Variants in SLC39A11 observed in about 807,000 individuals in gnomAD.
SLC39A11 encodes solute carrier family 39 member 11, also known as zinc transporter ZIP11.
Under a neutral mutation model 36.1 loss-of-function variants are expected in SLC39A11, and 33 were observed. The observed-to-expected ratio is 0.91, with a 90% CI of 0.69 to 1.22. The LOEUF (loss-of-function observed/expected upper bound fraction) is 1.22. Among genes scored for constraint, SLC39A11 ranks in the 50% most tolerant of loss-of-function variants. The pLI is 0.00. For synonymous variants in SLC39A11, 166 were observed against 170.3 expected, an observed-to-expected ratio of 0.97 and a Z score of 0.20; for missense variants, 432 against 430.3, an observed-to-expected ratio of 1.00 and a Z score of -0.03.
chr17:72,804,964 C>T (rs2077204202), intron 6 of SLC39A11, among the ~76,000 whole-genome samples: 1 of 151,968 alleles, frequency 6.6e-6, no homozygotes, highest in African/African-American at 2.4e-5. Flanking sequence ...TGCAGTGAGC[C>T]GAGATCATGC....
At chr17:72,959,383 C>T (rs1292484493) in intron 4 of SLC39A11, among the ~76,000 whole-genome samples, 1 of 140,016 alleles carries the variant, frequency 7.1e-6, no homozygotes, top group African/African-American at 2.7e-5. Flanking sequence ...ATACTACACT[C>T]AGCCATAAGA....
chr17:72,774,868 T>A (rs920710696), intron 6 of SLC39A11, among the ~76,000 whole-genome samples: 1 of 152,172 alleles, frequency 6.6e-6, no homozygotes. Flanking sequence ...TCCCCTTTAG[T>A]CTAGGATGAC....
chr17:72,657,684 G>A (rs1212191177), intron 7 of SLC39A11, among the ~76,000 whole-genome samples: 1 of 152,198 alleles, frequency 6.6e-6, no homozygotes, highest in Non-Finnish European at 1.5e-5. Flanking sequence ...CCAGATAACT[G>A]ATGTGAGTTG....
At chr17:73,004,471 G>C (rs964724564) in intron 4 of SLC39A11, among the ~76,000 whole-genome samples, 1 of 152,110 alleles carries the variant, frequency 6.6e-6, no homozygotes, top group Non-Finnish European at 1.5e-5. Flanking sequence ...TCCCATATGA[G>C]GGCCCCATCC....
Position 72,947,937 on chromosome 17 carries a change from C to G in SLC39A11, c.307-62G>C, listed in dbSNP as rs1309441210. 2.5e-6 allele frequency: 4 copies of G among 1,592,818 alleles called. No homozygotes were observed. In the African/African-American group the frequency reaches 4.0e-5, roughly 16 times the overall value. ...TACTGTGTTAATTCCCCAGATGCTT[C>G]TGGCTCACGGGCGCCAAGGCAACTT... On this transcript the variant is annotated intron_variant, in intron 4 of 9. Coordinates refer to ENST00000255559, the MANE Select transcript of SLC39A11 (RefSeq NM_139177.4).
chr17:72,751,600 CAG>C (rs1453543325), intron 6 of SLC39A11, among the ~76,000 whole-genome samples: 1 of 151,802 alleles, frequency 6.6e-6, no homozygotes, highest in Non-Finnish European at 1.5e-5. Context: ...TTTTTTGAGA[CAG>C]AGTCTTGCTC....
At chr17:72,825,597 G>C (rs1220998630) in intron 6 of SLC39A11, among the ~76,000 whole-genome samples, 1 of 152,148 alleles carries the variant, frequency 6.6e-6, no homozygotes, top group East Asian at 1.9e-4. Flanking sequence ...CATGTGCCTG[G>C]AAAAGCCATA....
intron 4 of SLC39A11, among the ~76,000 whole-genome samples, chr17:72,998,906 AG>A (rs973131808): frequency 4.6e-5 from 7 of 152,342 alleles, no homozygotes; most frequent in Admixed American, 2.0e-4. Flanking sequence ...GGGTCAGATG[AG>A]AAAGGCAGCA....
At chr17:72,800,548 T>C (rs1028167623) in intron 6 of SLC39A11, among the ~76,000 whole-genome samples, 1 of 152,098 alleles carries the variant, frequency 6.6e-6, no homozygotes, top group African/African-American at 2.4e-5. Flanking sequence ...TGACCTCAGG[T>C]GACCCACCCA....
intron 4 of SLC39A11, among the ~76,000 whole-genome samples, chr17:72,995,819 C>T (rs1166020894): frequency 6.6e-6 from 1 of 152,224 alleles, no homozygotes; most frequent in Non-Finnish European, 1.5e-5. Flanking sequence ...TCTCAGCCTC[C>T]ATAACTGTGC....
chr17:72,967,124 G>A (rs1394019591), intron 4 of SLC39A11, among the ~76,000 whole-genome samples: 1 of 152,058 alleles, frequency 6.6e-6, no homozygotes, highest in Admixed American at 6.5e-5. Context: ...TGTCCATTAT[G>A]GTGAGTTATA....
intron 5 of SLC39A11, among the ~76,000 whole-genome samples, chr17:72,874,353 G>C (rs907973759): frequency 6.6e-6 from 1 of 152,146 alleles, no homozygotes; most frequent in African/African-American, 2.4e-5. Flanking sequence ...AACTGTCTCT[G>C]TTCCTTCTCT....
At chr17:72,854,224 C>G (rs1466233454) in intron 5 of SLC39A11, among the ~76,000 whole-genome samples, 1 of 151,478 alleles carries the variant, frequency 6.6e-6, no homozygotes, top group Non-Finnish European at 1.5e-5. Context: ...CACAGCCAGT[C>G]TGCAGTGGAC....
At chr17:72,975,276 T>C (rs2087760959) in intron 4 of SLC39A11, among the ~76,000 whole-genome samples, 1 of 152,042 alleles carries the variant, frequency 6.6e-6, no homozygotes, top group East Asian at 1.9e-4. Context: ...CTGTCCCTAC[T>C]AAATACAAAA....
intron 5 of SLC39A11, among the ~76,000 whole-genome samples, chr17:72,859,225 G>A (rs913308286): frequency 6.6e-6 from 1 of 152,186 alleles, no homozygotes; most frequent in Non-Finnish European, 1.5e-5. Flanking sequence ...TGTAATCAGT[G>A]CACACAAATA....
At chr17:72,716,323 A>G (rs780929151) in intron 7 of SLC39A11, among the ~76,000 whole-genome samples, 8 of 152,110 alleles carry the variant, frequency 5.3e-5, no homozygotes, top group Non-Finnish European at 8.8e-5. Flanking sequence ...TGAAGTCCCA[A>G]AGAATGCTGT....
chr17:72,738,297 C>G (rs2074522659), intron 6 of SLC39A11, among the ~76,000 whole-genome samples: 1 of 152,204 alleles, frequency 6.6e-6, no homozygotes. Context: ...AGCCACCGCA[C>G]CTGGCCAAGC....
chr17:72,748,663 C>T (rs1199139596), intron 6 of SLC39A11, among the ~76,000 whole-genome samples: 2 of 152,212 alleles, frequency 1.3e-5, no homozygotes, highest in African/African-American at 4.8e-5. Flanking sequence ...ACCCACATCT[C>T]GGAGTCAATT....
intron 5 of SLC39A11, among the ~76,000 whole-genome samples, chr17:72,920,741 C>T (rs548393360): frequency 6.7e-6 from 1 of 149,508 alleles, no homozygotes; most frequent in Non-Finnish European, 1.5e-5. Context: ...CAACTACACC[C>T]CATACACACA....
Sources: allele counts gnomAD v4.1 joint callset (sites outside exome capture counted in the v4.1 genomes callset), GRCh38; gene constraint gnomAD v4.1.1; transcripts MANE v1.5; gene names NCBI Gene and HGNC (gene_info 2026-07-23, HGNC 2026-07-21).